Variants in GLT8D1 observed in about 807,000 individuals in gnomAD.
GLT8D1 encodes the protein glycosyltransferase 8 domain-containing protein 1.
GLT8D1 carries 41 observed loss-of-function variants against 46.2 expected under a neutral mutation model. That is an observed-to-expected ratio of 0.89 (90% CI 0.69 to 1.15). The LOEUF (loss-of-function observed/expected upper bound fraction) is 1.15. Among genes scored for constraint, GLT8D1 ranks in the 50% most tolerant of loss-of-function variants. The pLI is 0.00. For synonymous variants in GLT8D1, 150 were observed against 154.2 expected, an observed-to-expected ratio of 0.97 and a Z score of 0.20; for missense variants, 408 against 449.3, an observed-to-expected ratio of 0.91 and a Z score of 0.83.
At chr3:52,696,738 A>G (rs2097334063) in intron 4 of GLT8D1, 79 bp from the exon 5 acceptor site, 1 of 791,094 alleles carries the variant, frequency 1.3e-6, no homozygotes, top group African/African-American at 1.7e-5. Context: ...AAGAAACCCT[A>G]TGGACCAAAT....
At chr3:52,698,289 A>G (rs898529218) in intron 3 of GLT8D1, among the ~76,000 whole-genome samples, 4 of 152,236 alleles carry the variant, frequency 2.6e-5, no homozygotes, top group Non-Finnish European at 5.9e-5. Context: ...CAGCAAACTA[A>G]ATCAATGTTT....
intron 4 of GLT8D1, 126 bp downstream of exon 4, chr3:52,697,595 G>T: frequency 2.7e-6 from 2 of 737,336 alleles, no homozygotes; most frequent in South Asian, 3.1e-5. Flanking sequence ...CATTTGTACA[G>T]TTTATCACTG....
chr3:52,698,349 A>G (rs1315803266), intron 3 of GLT8D1, among the ~76,000 whole-genome samples: 2 of 152,210 alleles, frequency 1.3e-5, no homozygotes, highest in African/African-American at 4.8e-5. Context: ...GTGAGTCACA[A>G]TCAATTTATA....
intron 9 of GLT8D1, 56 bp from the exon 10 acceptor site, chr3:52,695,091 AACTT>A (rs141199980): frequency 4.7e-6 from 7 of 1,482,748 alleles, no homozygotes; most frequent in African/African-American, 2.8e-5. Flanking sequence ...TTGTGCAGAA[AACTT>A]ACTTAAGGGA....
Position 52,696,038 on chromosome 3 carries a change from C to T in GLT8D1, c.535G>A (p.Asp179Asn). The change falls in exon 7 of 10, where the codon GAT becomes AAT. Residue 179 changes from aspartate to asparagine, a missense_variant and splice_region_variant. Coordinates refer to ENST00000266014, the MANE Select transcript of GLT8D1 (RefSeq NM_018446.4). ...GCTGTATTGTAAAGGGCAAGAATATCACCTGAAATAGACAAGATGTTAAGA... is the reference window on the plus strand; with the variant it reads ...GCTGTATTGTAAAGGGCAAGAATATTACCTGAAATAGACAAGATGTTAAGA... ...YMDDDVIVQG[D>N]ILALYNTALK... 6.4e-7 allele frequency: 1 copy of T among 1,567,098 alleles called. No homozygotes were observed. Among genetic ancestry groups the T allele is most frequent in the Non-Finnish European group, 8.8e-7 (1 of 1,137,730 alleles).
At chr3:52,700,153 A>G in intron 3 of GLT8D1, 109 bp downstream of exon 3, 1 of 701,234 alleles carries the variant, frequency 1.4e-6, no homozygotes, top group Admixed American at 2.5e-5. Context: ...TCAAACCCTT[A>G]ACAAACAACT....
At chr3:52,699,486 T>C (rs1007776952) in intron 3 of GLT8D1, among the ~76,000 whole-genome samples, 7 of 152,144 alleles carry the variant, frequency 4.6e-5, no homozygotes, top group Non-Finnish European at 8.8e-5. Context: ...GGTTTCACCA[T>C]GTTGGCCAGG....
At chr3:52,695,091 A>AACTT (rs141199980) in intron 9 of GLT8D1, 56 bp from the exon 10 acceptor site, 24,402 of 1,482,750 alleles carry the variant, frequency 0.016, 297 homozygotes, top group South Asian at 0.034. Flanking sequence ...TTGTGCAGAA[A>AACTT]ACTTACTTAA....
At chr3:52,695,757 T>C in intron 7 of GLT8D1, 170 bp from the exon 8 acceptor site, 1 of 636,820 alleles carries the variant, frequency 1.6e-6, no homozygotes, top group South Asian at 2.0e-5. Context: ...AACCAGATGT[T>C]CAAGAACAAT....
At chr3:52,702,315 G>A (rs940590212) in intron 1 of GLT8D1, among the ~76,000 whole-genome samples, 5 of 152,186 alleles carry the variant, frequency 3.3e-5, no homozygotes, top group Admixed American at 2.6e-4. Context: ...CAAGGCTAAC[G>A]CGGGCAGATC....
Position 52,700,330 on chromosome 3 carries a change from G to A in GLT8D1, c.47C>T (p.Ala16Val), listed in dbSNP as rs2097338208. ...VNIIILVLAV[A>V]LFLLVLHHNF... Reference sequence around the variant, plus strand: ...ATGGTGCAAAACCAGTAAGAAGAGAGCAACAGCCAGGACCAAGATGATGAT... The same window carrying A: ...ATGGTGCAAAACCAGTAAGAAGAGAACAACAGCCAGGACCAAGATGATGAT... The change falls in exon 3 of 10, where the codon GCT becomes GTT. Residue 16 changes from alanine to valine, a missense_variant. Transcript: ENST00000266014. 1.9e-6 allele frequency: 3 copies of A among 1,613,596 alleles called. No homozygotes were observed. Among genetic ancestry groups the A allele is most frequent in the Non-Finnish European group, 2.5e-6 (3 of 1,179,642 alleles).
chr3:52,699,596 A>G (rs898860859), intron 3 of GLT8D1, among the ~76,000 whole-genome samples: 13 of 152,090 alleles, frequency 8.5e-5, no homozygotes, highest in African/African-American at 2.7e-4. Flanking sequence ...ACCTTGGCCT[A>G]CCAAAGTTTT....
Position 52,695,347 on chromosome 3 carries a change from CT to C in GLT8D1, c.813-46del, listed in dbSNP as rs577986718. The C allele has an allele frequency of 1.2e-4, 190 of 1,584,356 alleles. No homozygotes were observed. The African/African-American group carries it at 2.4e-3, about 20-fold the overall frequency. Reference sequence around the variant, plus strand: ...AATGTTTGTTAGTGAAAAGTACTGACTAACTCCTGTTAGTCAAGACTCTAGG... The same window carrying C: ...AATGTTTGTTAGTGAAAAGTACTGACAACTCCTGTTAGTCAAGACTCTAGG... On this transcript the variant is annotated intron_variant, in intron 8 of 9. Coordinates refer to ENST00000266014, the MANE Select transcript of GLT8D1 (RefSeq NM_018446.4).
At position 52,696,018 on chromosome 3, in the gene GLT8D1, A is replaced by C; in HGVS notation, c.555T>G (p.Asn185Lys). The change falls in exon 7 of 10, where the codon AAT (asparagine) becomes AAG (lysine). Residue 185 changes from asparagine to lysine, a missense_variant. Transcript: ENST00000266014. ...IVQGDILALYNTALKPGHAAA... is the reference protein window; with the variant it reads ...IVQGDILALYKTALKPGHAAA... ...CTGCATGTCCTGGCTTCAGTGCTGTATTGTAAAGGGCAAGAATATCACCTG... is the reference window on the plus strand; with the variant it reads ...CTGCATGTCCTGGCTTCAGTGCTGTCTTGTAAAGGGCAAGAATATCACCTG... 5 of 1,605,478 alleles carry C rather than the reference A, an allele frequency of 3.1e-6. No individual in the cohort carries two copies. In the South Asian group the frequency reaches 5.5e-5, roughly 18 times the overall value.
At position 52,695,049 on chromosome 3, in the gene GLT8D1, C is replaced by T. The variant is rs187479722; in HGVS notation, c.926-14G>A. 1 of 1,586,388 alleles carries T rather than the reference C, an allele frequency of 6.3e-7. No individual in the cohort carries two copies. On this transcript the variant is annotated splice_polypyrimidine_tract_variant and intron_variant, in intron 9 of 9. Coordinates refer to ENST00000266014, the MANE Select transcript of GLT8D1 (RefSeq NM_018446.4). ...CAGCACTGGAACCTTACATTTGAGA[C>T]AAAAATAGCCACATCGTTGCGCCAT...
rs1452428414 is a variant in GLT8D1, at chr3:52,700,457, A to G, written c.4T>C (p.Ser2Pro). 6.3e-7 allele frequency: 1 copy of G among 1,593,622 alleles called. No homozygotes were observed. The highest frequency in any genetic ancestry group is 8.6e-7 in the Non-Finnish European group (1 of 1,162,954). MSFRKVNIIILV... is the reference protein window; with the variant it reads MPFRKVNIIILV... ...AGAAAGAGCATACCTTTACGGAATG[A>G]CATCTTTTTCTTCTGTCATATAAAT... The change falls in exon 2 of 10, where the codon TCA becomes CCA. Residue 2 changes from serine (S) to proline (P), a missense_variant. Ser to Pro is a moderately conservative substitution (Grantham distance 74). Coordinates refer to ENST00000266014, the MANE Select transcript of GLT8D1 (RefSeq NM_018446.4).
Position 52,694,824 on chromosome 3 carries a change from G to A in GLT8D1, c.*21C>T. The A allele has an allele frequency of 6.4e-7, 1 of 1,553,982 alleles. No homozygotes were observed. Among genetic ancestry groups the A allele is most frequent in the East Asian group, 2.2e-5 (1 of 44,598 alleles). ...TTCCAGGACTTCCTGAGAAATGCTT[G>A]CTTACAGTTCAAATTCTGTTTCACT... On this transcript the variant is annotated 3_prime_UTR_variant, in exon 10 of 10. Transcript: ENST00000266014.
At chr3:52,697,551 A>T in intron 4 of GLT8D1, 170 bp downstream of exon 4, 1 of 613,068 alleles carries the variant, frequency 1.6e-6, no homozygotes, top group Non-Finnish European at 2.9e-6. Flanking sequence ...TATTATGGGG[A>T]TATGCTCATA....
In GLT8D1 at chr3:52,700,613, TC is replaced by T. The variant is rs571905232; in HGVS notation, c.-36-118del. The T allele has an allele frequency of 5.4e-4, 278 of 517,074 alleles. No individual in the cohort carries two copies. In the East Asian group the frequency reaches 7.1e-3, roughly 13 times the overall value. 32.0% of individuals were successfully genotyped at this position (517,074 alleles called of 1,614,324 possible). A position where few individuals can be genotyped will look rare whatever the true frequency, so the allele number is the denominator to read the frequency against. On this transcript the variant is annotated intron_variant, in intron 1 of 9. Transcript: ENST00000266014. ...AAGAAACAAGAGGCATATACAGTAT[TC>T]CGCCAGAAACTCATTTTGAATTCAC...
Sources: allele counts gnomAD v4.1 joint callset (sites outside exome capture counted in the v4.1 genomes callset), GRCh38; gene constraint gnomAD v4.1.1; transcripts MANE v1.5; gene names NCBI Gene and HGNC (gene_info 2026-07-23, HGNC 2026-07-21).